Variants in ARHGAP44 observed in about 807,000 individuals in gnomAD.
ARHGAP44 encodes the protein Rho GTPase activating protein 44, also known as rho GTPase-activating protein 44.
Under a neutral mutation model 106.8 loss-of-function variants are expected in ARHGAP44, and 43 were observed. That is an observed-to-expected ratio of 0.40 (90% CI 0.32 to 0.52). The LOEUF (loss-of-function observed/expected upper bound fraction) is 0.52. Among genes scored for constraint, ARHGAP44 ranks in the 20% least tolerant of loss-of-function variants. The probability of loss-of-function intolerance (pLI) is 0.48; values close to 1 mark genes in which losing one functional copy is unlikely to be tolerated. For synonymous variants in ARHGAP44, 439 were observed against 410.3 expected, an observed-to-expected ratio of 1.07 and a Z score of -0.85; for missense variants, 866 against 1,050.5, an observed-to-expected ratio of 0.82 and a Z score of 2.43.
chr17:12,889,259 C>G (rs2036971005), intron 1 of ARHGAP44, among the ~76,000 whole-genome samples: 1 of 151,762 alleles, frequency 6.6e-6, no homozygotes, highest in Admixed American at 6.6e-5. Context: ...TGTCTTGTTC[C>G]ATTTTGTGCT....
Position 12,928,972 on chromosome 17 carries a change from C to T in ARHGAP44, c.508C>T (p.Gln170Ter). The T allele has an allele frequency of 6.2e-7, 1 of 1,613,498 alleles. No homozygotes were observed. Among genetic ancestry groups the T allele is most frequent in the Non-Finnish European group, 8.5e-7 (1 of 1,179,698 alleles). ...SKSSGLSSSL[Q>*]PAGAKADALR... ...GTCTTCAGGTTTGTCCAGCAGCTTA[C>T]AGCCTGCGGGTGCCAAGGCTGATGC... The change falls in exon 7 of 21, where the codon CAG becomes TAG. Residue 170 changes from glutamine to a stop codon, truncating the protein, a stop_gained. Transcript: ENST00000379672. LOFTEE classifies it high-confidence loss of function.
At chr17:12,939,008 G>A (rs368975946) in intron 7 of ARHGAP44, among the ~76,000 whole-genome samples, 2 of 152,120 alleles carry the variant, frequency 1.3e-5, no homozygotes, top group East Asian at 3.9e-4. Flanking sequence ...TCTGTCTACT[G>A]AGCCATTTGT....
intron 9 of ARHGAP44, 101 bp from the exon 10 acceptor site, chr17:12,943,968 T>C (rs1250626907): frequency 7.1e-7 from 1 of 1,414,400 alleles, no homozygotes; most frequent in African/African-American, 1.4e-5. Context: ...CTCCCTCTCT[T>C]TGGTAATCTT....
At chr17:12,877,295 C>A (rs1445090082) in intron 1 of ARHGAP44, among the ~76,000 whole-genome samples, 4 of 152,102 alleles carry the variant, frequency 2.6e-5, no homozygotes. Flanking sequence ...TGGTCCTGTT[C>A]ATATAGCCAT....
chr17:12,796,607 T>C (rs1040393450), intron 1 of ARHGAP44, among the ~76,000 whole-genome samples: 1 of 151,830 alleles, frequency 6.6e-6, no homozygotes, highest in Non-Finnish European at 1.5e-5. Context: ...TCTTTGTTTT[T>C]TTTTTTTGAG....
At chr17:12,978,678 CTTTTCTT>C (rs71829583) in intron 18 of ARHGAP44, among the ~76,000 whole-genome samples, 40,757 of 140,326 alleles carry the variant, frequency 0.29, 6,751 homozygotes, top group Non-Finnish European at 0.4. Flanking sequence ...TTTTTTTTTT[CTTTTCTT>C]TTTTCTTTTT....
intron 16 of ARHGAP44, 198 bp downstream of exon 16, chr17:12,959,095 T>C (rs1441776591): frequency 3.2e-6 from 2 of 623,746 alleles, no homozygotes; most frequent in East Asian, 2.9e-5. Flanking sequence ...CAGAGGTCAG[T>C]GTAGCCTTCT....
intron 4 of ARHGAP44, among the ~76,000 whole-genome samples, chr17:12,912,167 A>G (rs961110389): frequency 1.3e-5 from 2 of 152,242 alleles, no homozygotes; most frequent in South Asian, 4.1e-4. Flanking sequence ...TAGGAGAACA[A>G]TCACTTGTGT....
rs11870295 is a variant in ARHGAP44 at position 12,958,238 on chromosome 17, C to T, written c.1343-479C>T. 0.042 allele frequency among the ~76,000 whole-genome samples: 6,401 copies of T among 152,188 alleles called. 445 individuals are homozygous for T. The highest frequency in any genetic ancestry group is 0.14 in the African/African-American group (5,905 of 41,500). On this transcript the variant is annotated intron_variant, in intron 15 of 20. Transcript: ENST00000379672. The surrounding 1 kb of genome is among the most constrained non-coding windows in gnomAD (Gnocchi z 4.1). The stretch of plus-strand genomic sequence containing the variant: ...ATATTTCTAATATCTTGAATTTATT[C>T]TCTATGGTTTTCCAGAAAGGCAGTG...
At chr17:12,943,542 G>A (rs1307482341) in intron 8 of ARHGAP44, 46 bp from the exon 9 acceptor site, 3 of 1,591,132 alleles carry the variant, frequency 1.9e-6, no homozygotes, top group Admixed American at 3.3e-5. Flanking sequence ...GGCAGCCTGT[G>A]TCCTTGCCCC....
At chr17:12,904,662 A>G (rs371682392) in intron 3 of ARHGAP44, among the ~76,000 whole-genome samples, 3 of 152,224 alleles carry the variant, frequency 2.0e-5, no homozygotes, top group Admixed American at 1.3e-4. Flanking sequence ...ATCTATCTCT[A>G]TGTGAAAAGG....
At chr17:12,852,488 T>C (rs1386935760) in intron 1 of ARHGAP44, among the ~76,000 whole-genome samples, 1 of 151,318 alleles carries the variant, frequency 6.6e-6, no homozygotes, top group Admixed American at 6.6e-5. Flanking sequence ...ATATCTTTTG[T>C]ATTTATATGA....
Position 12,868,591 on chromosome 17 carries a change from T to TATATA in ARHGAP44, c.54-26349_54-26348insATATA, listed in dbSNP as rs2036305530. ...ATTTAAAAAGTCATATATATGCATT[T>TATATA]TATATATATATATATATATATATAT... On this transcript the variant is annotated intron_variant, in intron 1 of 20. Transcript: ENST00000379672. Among the ~76,000 whole-genome samples the TATATA allele has an allele frequency of 4.6e-3, 217 of 47,114 alleles. 8 individuals are homozygous for TATATA. The highest frequency in any genetic ancestry group is 0.023 in the South Asian group (25 of 1,110). 30.9% of individuals were successfully genotyped at this position (47,114 alleles called of 152,430 possible).
intron 1 of ARHGAP44, among the ~76,000 whole-genome samples, chr17:12,893,726 G>A (rs2037116699): frequency 6.6e-6 from 1 of 152,172 alleles, no homozygotes; most frequent in Non-Finnish European, 1.5e-5. Context: ...GGTGTTGGCT[G>A]CAGTGAGCAG....
At chr17:12,893,769 T>C (rs1161955606) in intron 1 of ARHGAP44, among the ~76,000 whole-genome samples, 3 of 152,206 alleles carry the variant, frequency 2.0e-5, no homozygotes, top group African/African-American at 4.8e-5. Context: ...TCTAGGCTGC[T>C]CCTTTCTTTG....
At chr17:12,895,048 T>A (rs1458160148) in intron 2 of ARHGAP44, 69 bp downstream of exon 2, 2 of 1,478,690 alleles carry the variant, frequency 1.4e-6, no homozygotes, top group Non-Finnish European at 1.8e-6. Flanking sequence ...GGAGAATTGC[T>A]TGAACCCAGG....
At position 12,984,838 on chromosome 17, in the gene ARHGAP44, G is replaced by A. The variant is rs1011753105; in HGVS notation, c.2247G>A (p.Ser749=). 1.1e-5 allele frequency: 17 copies of A among 1,613,730 alleles called. No individual in the cohort carries two copies. The highest frequency in any genetic ancestry group is 4.0e-5 in the African/African-American group (3 of 74,880). ...CTCAGCCTCCCACAGTAAACCTCTC[G>A]GCCTCTAGTCCACAGTCCACGGAGG... ...PPPQPPTVNL[S]ASSPQSTEAP... The change falls in exon 20 of 21, where the codon TCG becomes TCA. Residue 749 remains serine, a synonymous_variant. Coordinates refer to ENST00000379672, the MANE Select transcript of ARHGAP44 (RefSeq NM_014859.6).
intron 1 of ARHGAP44, among the ~76,000 whole-genome samples, chr17:12,849,409 C>T (rs1411405306): frequency 6.6e-6 from 1 of 152,028 alleles, no homozygotes; most frequent in Non-Finnish European, 1.5e-5. Flanking sequence ...ATTTTGAATG[C>T]TTGACACTCC....
At chr17:12,982,361 G>A (rs79248232) in intron 19 of ARHGAP44, among the ~76,000 whole-genome samples, 5 of 150,490 alleles carry the variant, frequency 3.3e-5, no homozygotes, top group African/African-American at 7.4e-5. Flanking sequence ...ACAGCGTGCC[G>A]ACAATTTCAC....
Sources: allele counts gnomAD v4.1 joint callset (sites outside exome capture counted in the v4.1 genomes callset), GRCh38; gene constraint gnomAD v4.1.1; non-coding constraint Gnocchi (gnomAD v3.1); transcripts MANE v1.5; gene names NCBI Gene and HGNC (gene_info 2026-07-23, HGNC 2026-07-21).